The following SAMD8 variants were observed in gnomAD, a reference collection of about 807,000 sequenced individuals.
The protein encoded by SAMD8 is sphingomyelin synthase-related protein 1.
A neutral mutation model predicts 42.0 loss-of-function variants in SAMD8; 20 were observed. The ratio of observed to expected loss-of-function variants is 0.48; its 90% CI spans 0.34 to 0.69. The LOEUF (loss-of-function observed/expected upper bound fraction) is 0.69. Ranked by LOEUF, SAMD8 falls within the 30% of genes least tolerant of loss-of-function variation. The pLI, the probability that SAMD8 is intolerant of heterozygous loss-of-function variation, is 0.01. For synonymous variants in SAMD8, 162 were observed against 173.0 expected (o/e 0.94, Z 0.50); for missense variants, 328 against 511.6 (o/e 0.64, Z 3.46).
chr10:75,101,837 AC>A lies in SAMD8; in HGVS notation c.-16+2117del, dbSNP rs575622038. ...CCAGCATGCTCAGGGACCACATCCT[AC>A]CCCCCCCAAATTAGGAGCACTCACC... On this transcript the variant is annotated intron_variant, in intron 1 of 3. Coordinates refer to the SAMD8 transcript ENST00000447533. 4.8e-4 allele frequency: 633 copies of A among 1,330,984 alleles called. 3 individuals are homozygous for A. In the African/African-American group the frequency reaches 5.4e-3, roughly 11 times the overall value. 82.4% of individuals were successfully genotyped at this position (1,330,984 alleles called of 1,614,324 possible).
chr10:75,123,662 C>G (rs1849058041), intron 1 of SAMD8, among the ~76,000 whole-genome samples: 1 of 151,914 alleles, frequency 6.6e-6, no homozygotes, highest in African/African-American at 2.4e-5. Context: ...TCTTGCTAGG[C>G]TGTCTCTTTT....
chr10:75,106,101 CTTTTT>C (rs767630456), intron 1 of SAMD8, among the ~76,000 whole-genome samples: 1 of 123,022 alleles, frequency 8.1e-6, no homozygotes, highest in Non-Finnish European at 1.7e-5. Context: ...TCTTTCTTTT[CTTTTT>C]TTTTTTTTTT....
intron 4 of SAMD8, among the ~76,000 whole-genome samples, chr10:75,174,044 CATT>C (rs754859622): frequency 5.3e-5 from 8 of 151,954 alleles, no homozygotes; most frequent in Non-Finnish European, 8.8e-5. Context: ...CTTTTTGTAC[CATT>C]ATTATGTTAT....
At chr10:75,170,332 T>C (rs999830051) in intron 4 of SAMD8, among the ~76,000 whole-genome samples, 1 of 152,220 alleles carries the variant, frequency 6.6e-6, no homozygotes, top group African/African-American at 2.4e-5. Context: ...GTTCACTTCT[T>C]GTACTGCAAT....
intron 1 of SAMD8, among the ~76,000 whole-genome samples, chr10:75,123,271 G>A (rs376480982): frequency 2.0e-5 from 3 of 150,246 alleles, no homozygotes; most frequent in African/African-American, 2.4e-5. Flanking sequence ...TGTTACCTCC[G>A]ATATACCACT....
chr10:75,141,500 G>A (rs1242698324), intron 1 of SAMD8, among the ~76,000 whole-genome samples: 1 of 151,164 alleles, frequency 6.6e-6, no homozygotes, highest in East Asian at 1.9e-4. Flanking sequence ...TCAGCAAATA[G>A]AGTTTTATTT....
Position 75,150,796 on chromosome 10 carries a change from A to G in SAMD8, c.268A>G (p.Ser90Gly). The G allele has an allele frequency of 6.2e-7, 1 of 1,614,214 alleles. No homozygotes were observed. The highest frequency in any genetic ancestry group is 8.5e-7 in the Non-Finnish European group (1 of 1,180,032). ...TGTTTTAGAAGAGATGGGCTACAAC[A>G]GTGACAGTCCCATGGGTTCCATGAC... Reference protein sequence around the residue: ...IDVLEEMGYNSDSPMGSMTPF... With the variant: ...IDVLEEMGYNGDSPMGSMTPF... Residue 90 changes from serine (S) to glycine (G), a missense_variant, in exon 2 of 6, where the codon AGT becomes GGT. By Grantham distance (56) the Ser-to-Gly change is moderately conservative. Transcript: ENST00000542569.
intron 1 of SAMD8, chr10:75,103,958 C>G (rs372391085): frequency 7.5e-7 from 1 of 1,327,444 alleles, no homozygotes. Flanking sequence ...GATGGAGTAG[C>G]AGGCTCTAGG....
chr10:75,124,229 T>C (rs1391929195), intron 1 of SAMD8, among the ~76,000 whole-genome samples: 1 of 152,132 alleles, frequency 6.6e-6, no homozygotes, highest in Non-Finnish European at 1.5e-5. Flanking sequence ...TCTTCTTATG[T>C]TTATTTTATA....
intron 1 of SAMD8, among the ~76,000 whole-genome samples, chr10:75,140,126 A>C (rs1384795645): frequency 6.6e-6 from 1 of 152,160 alleles, no homozygotes; most frequent in Non-Finnish European, 1.5e-5. Flanking sequence ...TCTGGACTCT[A>C]TATTCTGTTT....
chr10:75,148,499 G>C (rs892302624), intron 1 of SAMD8, among the ~76,000 whole-genome samples: 1 of 151,878 alleles, frequency 6.6e-6, no homozygotes, highest in Non-Finnish European at 1.5e-5. Context: ...GACTACAGGC[G>C]CACGCTGCCA....
In SAMD8 at chr10:75,166,004, AT is replaced by A. The variant is rs905590210; in HGVS notation, c.674+1266del. ...AAAAAAAAAAAAAAAAAAAAGAAAG[AT>A]TATTTTGTACAACATGTACATATAG... On this transcript the variant is annotated intron_variant, in intron 3 of 5. Coordinates refer to ENST00000542569, the MANE Select transcript of SAMD8 (RefSeq NM_001174156.2). 1.6e-3 allele frequency among the ~76,000 whole-genome samples: 246 copies of A among 150,116 alleles called. 15 individuals are homozygous for A. Among genetic ancestry groups the A allele is most frequent in the Non-Finnish European group, 6.8e-4 (46 of 67,652 alleles).
At chr10:75,111,562 G>A (rs938727809), upstream of SAMD8, 6 of 1,248,928 alleles carry the variant, frequency 4.8e-6, no homozygotes, top group Admixed American at 2.5e-4. Context: ...CCTGCGCGCA[G>A]TCGCCACCGC....
intron 4 of SAMD8, among the ~76,000 whole-genome samples, chr10:75,169,683 G>A (rs1205480671): frequency 6.6e-6 from 1 of 152,190 alleles, no homozygotes; most frequent in East Asian, 1.9e-4. Context: ...GGAGGCCAAG[G>A]CGGGTGGATC....
intron 1 of SAMD8, 175 bp downstream of exon 1, chr10:75,111,897 T>C: frequency 1.2e-6 from 1 of 804,636 alleles, no homozygotes; most frequent in East Asian, 3.4e-5. Flanking sequence ...CTGAAGCAAA[T>C]GGAGGTTGTC....
In SAMD8 at chr10:75,176,933, T is replaced by G. The variant is rs7893833; in HGVS notation, c.*241T>G. On this transcript the variant is annotated 3_prime_UTR_variant, in exon 6 of 6. Coordinates refer to ENST00000542569, the MANE Select transcript of SAMD8 (RefSeq NM_001174156.2). This position sits in a 1 kb window ranked among gnomAD's most constrained non-coding sequence, Gnocchi z 4.3. The stretch of plus-strand genomic sequence containing the variant: ...TCTGCCCCTTCTCTTTAGGAAGACT[T>G]AATGTTGTGATTGAAGTCAGGCTGT... 26,290 of 419,108 alleles carry G rather than the reference T, an allele frequency of 0.063. 1,062 individuals carry two copies. The highest frequency in any genetic ancestry group is 0.12 in the African/African-American group (6,075 of 49,448). The allele number at this position is 419,108 out of a possible 1,614,324, so 26.0% of individuals were successfully genotyped here. A position where few individuals can be genotyped will look rare whatever the true frequency, so the allele number is the denominator to read the frequency against.
Position 75,179,835 on chromosome 10 carries a change from A to C in SAMD8, c.*3143A>C, listed in dbSNP as rs1841049958. 6.6e-6 allele frequency: 1 copy of C among 152,150 alleles called. No individual in the cohort carries two copies. The highest frequency in any genetic ancestry group is 2.4e-5 in the African/African-American group (1 of 41,430). The allele number at this position is 152,150 out of a possible 1,614,324, so 9.4% of individuals were successfully genotyped here. A position where few individuals can be genotyped will look rare whatever the true frequency, so the allele number is the denominator to read the frequency against. ...GAGAAGCTACATGGCTTTGGTCTAC[A>C]TATTTTTTGACCTTGTATTTGGTTC... On this transcript the variant is annotated 3_prime_UTR_variant, in exon 6 of 6. Transcript: ENST00000542569.
chr10:75,114,483 A>G (rs550288880), intron 1 of SAMD8, among the ~76,000 whole-genome samples: 28 of 152,314 alleles, frequency 1.8e-4, no homozygotes, highest in African/African-American at 5.5e-4. Flanking sequence ...ACAGTTGCTT[A>G]TAAACATTTT....
chr10:75,118,493 A>C (rs907319311), intron 1 of SAMD8, among the ~76,000 whole-genome samples: 1 of 152,062 alleles, frequency 6.6e-6, no homozygotes, highest in African/African-American at 2.4e-5. Context: ...AAAATATAAA[A>C]ATTAGCCAGG....
Sources: allele counts gnomAD v4.1 joint callset (sites outside exome capture counted in the v4.1 genomes callset), GRCh38; gene constraint gnomAD v4.1.1; non-coding constraint Gnocchi (gnomAD v3.1); transcripts MANE v1.5; gene names NCBI Gene and HGNC (gene_info 2026-07-23, HGNC 2026-07-21).